QTMAN: variants seen among roughly 807,000 people sequenced by gnomAD.
The protein encoded by QTMAN is tRNA-queuosine alpha-mannosyltransferase.
At chr2:143,973,663 C>A in the QTMAN span, among the ~76,000 whole-genome samples, 1 of 151,974 alleles carries the variant, frequency 6.6e-6, no homozygotes, top group Non-Finnish European at 1.5e-5. Context: ...GTGGCGCACG[C>A]TTGTAGTCCC....
the QTMAN span, among the ~76,000 whole-genome samples, chr2:144,277,869 C>A: frequency 6.6e-6 from 1 of 152,166 alleles, no homozygotes; most frequent in Non-Finnish European, 1.5e-5. Flanking sequence ...TCTAGCATGT[C>A]ATACAATACC....
the QTMAN span, among the ~76,000 whole-genome samples, chr2:144,149,635 T>C: frequency 1.3e-5 from 2 of 151,894 alleles, no homozygotes; most frequent in African/African-American, 2.4e-5. Context: ...TATAATCATC[T>C]AACCAAAACG....
the QTMAN span, among the ~76,000 whole-genome samples, chr2:144,248,013 C>A: frequency 6.6e-6 from 1 of 152,118 alleles, no homozygotes; most frequent in African/African-American, 2.4e-5. Flanking sequence ...TCTAATAGGC[C>A]TTTAACAACT....
the QTMAN span, among the ~76,000 whole-genome samples, chr2:144,325,037 T>C: frequency 3.3e-5 from 5 of 152,286 alleles, no homozygotes; most frequent in Middle Eastern, 3.4e-3. Flanking sequence ...TTAGGATCTA[T>C]AAAGGCTAGG....
the QTMAN span, among the ~76,000 whole-genome samples, chr2:144,019,472 GTGTGTGTGTGTA>G: frequency 1.4e-3 from 210 of 149,004 alleles, no homozygotes; most frequent in South Asian, 8.0e-3. Flanking sequence ...GTGTGTGTGT[GTGTGTGTGTGTA>G]TGTAGTTTTA....
chr2:144,187,903 T>C, the QTMAN span, among the ~76,000 whole-genome samples: 2 of 152,146 alleles, frequency 1.3e-5, no homozygotes, highest in East Asian at 1.9e-4. Context: ...CTAAATCCAA[T>C]GATGTTTTTC....
the QTMAN span, chr2:144,128,146 A>C: frequency 6.6e-6 from 1 of 152,024 alleles, no homozygotes; most frequent in Non-Finnish European, 1.5e-5. Context: ...AAAACTTGCA[A>C]AGAGAAAGCA....
the QTMAN span, among the ~76,000 whole-genome samples, chr2:144,273,096 C>T: frequency 1.3e-5 from 2 of 151,998 alleles, no homozygotes; most frequent in African/African-American, 4.8e-5. Flanking sequence ...TATTTATGTA[C>T]CTTTCTACTT....
the QTMAN span, among the ~76,000 whole-genome samples, chr2:144,319,026 A>C: frequency 1.3e-5 from 2 of 152,178 alleles, no homozygotes; most frequent in Non-Finnish European, 2.9e-5. Context: ...CTGATTCAAT[A>C]CTTCTAAAAA....
the QTMAN span, among the ~76,000 whole-genome samples, chr2:144,251,294 C>T: frequency 6.6e-6 from 1 of 152,028 alleles, no homozygotes; most frequent in Non-Finnish European, 1.5e-5. Context: ...ATTAATTACA[C>T]AGTAATCAAG....
At chr2:144,122,746 T>C in the QTMAN span, among the ~76,000 whole-genome samples, 1 of 152,210 alleles carries the variant, frequency 6.6e-6, no homozygotes, top group Non-Finnish European at 1.5e-5. Context: ...ATTTTATCAG[T>C]GGTCCTTAAC....
the QTMAN span, among the ~76,000 whole-genome samples, chr2:144,064,787 A>T: frequency 6.6e-6 from 1 of 152,196 alleles, no homozygotes; most frequent in Non-Finnish European, 1.5e-5. Context: ...GATTCTTTTA[A>T]AATTCTACCA....
the QTMAN span, among the ~76,000 whole-genome samples, chr2:143,985,350 G>C: frequency 5.4e-4 from 82 of 152,340 alleles, no homozygotes; most frequent in South Asian, 1.0e-3. Context: ...TTTCAGTCTT[G>C]AGGAACAGAG....
At chr2:144,015,319 C>T in the QTMAN span, among the ~76,000 whole-genome samples, 1 of 152,190 alleles carries the variant, frequency 6.6e-6, no homozygotes. Context: ...TTTGGCAGAG[C>T]CCTAGGCTAA....
the QTMAN span, among the ~76,000 whole-genome samples, chr2:144,083,893 A>G: frequency 6.6e-6 from 1 of 152,210 alleles, no homozygotes; most frequent in African/African-American, 2.4e-5. Flanking sequence ...TTTAAAACAC[A>G]AAACTCATAA....
chr2:144,126,425 C>T, the QTMAN span, among the ~76,000 whole-genome samples: 1 of 151,884 alleles, frequency 6.6e-6, no homozygotes, highest in Non-Finnish European at 1.5e-5. Flanking sequence ...CATAGAAAAA[C>T]CACTGCTATG....
chr2:144,163,646 C>T, the QTMAN span, among the ~76,000 whole-genome samples: 1 of 152,124 alleles, frequency 6.6e-6, no homozygotes, highest in African/African-American at 2.4e-5. Flanking sequence ...GCGTGCAATG[C>T]AAATTATATG....
At chr2:144,193,626 T>C in the QTMAN span, among the ~76,000 whole-genome samples, 2 of 151,846 alleles carry the variant, frequency 1.3e-5, no homozygotes, top group Non-Finnish European at 2.9e-5. Context: ...GCTCAAGTGA[T>C]CGTCCCACCA....
At chr2:144,327,354 C>T in the QTMAN span, among the ~76,000 whole-genome samples, 563 of 152,212 alleles carry the variant, frequency 3.7e-3, 14 homozygotes, top group Admixed American at 0.03. Flanking sequence ...AACCTAAACA[C>T]GGGGTGGTGA....
Sources: gnomAD v4.1 joint callset for allele counts (sites outside exome capture counted in the v4.1 genomes callset) on GRCh38, gnomAD v4.1.1 for gene constraint, MANE v1.5 for transcripts, NCBI Gene and HGNC (gene_info 2026-07-23, HGNC 2026-07-21) for gene names.